CLIC5: variants seen among roughly 807,000 people sequenced by gnomAD.
CLIC5 encodes the protein chloride intracellular channel protein 5.
CLIC5 carries 20 observed loss-of-function variants against 24.7 expected under a neutral mutation model. The observed-to-expected ratio is 0.81, with a 90% CI of 0.57 to 1.18. The LOEUF (loss-of-function observed/expected upper bound fraction) is 1.18, where lower values mean the gene tolerates loss of function less well. CLIC5 is among the 50% of genes most tolerant of loss of function. CLIC5 has a pLI of 0.00. For missense variants in CLIC5, 341 were observed against 326.1 expected, an observed-to-expected ratio of 1.05 and a Z score of -0.35; for synonymous variants, 159 against 135.6, an observed-to-expected ratio of 1.17 and a Z score of -1.20.
chr6:45,893,314 G>A (rs1444461455), intron 6 of CLIC5, among the ~76,000 whole-genome samples: 1 of 151,824 alleles, frequency 6.6e-6, no homozygotes, highest in African/African-American at 2.4e-5. Flanking sequence ...TAAGAATGTG[G>A]GTGCAAGAAG....
chr6:45,903,014 G>GAA lies in CLIC5; in HGVS notation c.*73_*74insTT. 1 of 1,523,250 alleles carries GAA rather than the reference G, an allele frequency of 6.6e-7. No individual in the cohort carries two copies. Among genetic ancestry groups the GAA allele is most frequent in the Non-Finnish European group, 9.1e-7 (1 of 1,103,414 alleles). The allele number at this position is 1,523,250 out of a possible 1,614,324, so 94.4% of individuals were successfully genotyped here. ...GTGCGCCTCAAGGCAGTGATACAGAGGAGTCTATGAAGCTGGAGTCTTAGG... is the reference window on the plus strand; with the variant it reads ...GTGCGCCTCAAGGCAGTGATACAGAGAAGAGTCTATGAAGCTGGAGTCTTAGG... On this transcript the variant is annotated 3_prime_UTR_variant, in exon 6 of 6. Transcript: ENST00000339561.
At chr6:46,110,003 T>C in the CLIC5 span, among the ~76,000 whole-genome samples, 1 of 152,108 alleles carries the variant, frequency 6.6e-6, no homozygotes, top group Admixed American at 6.5e-5. Flanking sequence ...ATAAAATCCC[T>C]CGTGGCTTGG....
chr6:45,983,465 T>A (rs918970907), intron 1 of CLIC5, among the ~76,000 whole-genome samples: 4 of 152,106 alleles, frequency 2.6e-5, no homozygotes, highest in Non-Finnish European at 4.4e-5. Context: ...GAGAAGAGTT[T>A]TGTAACAATC....
intron 1 of CLIC5, among the ~76,000 whole-genome samples, chr6:46,044,491 T>G (rs1161046054): frequency 6.6e-6 from 1 of 152,174 alleles, no homozygotes; most frequent in South Asian, 2.1e-4. Context: ...TTGGAAATTT[T>G]GCACTGTGGA....
chr6:46,129,000 G>A, the CLIC5 span, among the ~76,000 whole-genome samples: 21 of 152,330 alleles, frequency 1.4e-4, no homozygotes, highest in South Asian at 3.7e-3. Flanking sequence ...CTAAGGTCCA[G>A]TACTGCAGTT....
chr6:46,108,395 T>TGAGAGAGA, the CLIC5 span, among the ~76,000 whole-genome samples: 18 of 147,834 alleles, frequency 1.2e-4, no homozygotes, highest in East Asian at 2.6e-3. Flanking sequence ...TGTGTGTGTG[T>TGAGAGAGA]GTGTGTGAGA....
At chr6:46,065,641 A>G (rs1485769552) in intron 1 of CLIC5, among the ~76,000 whole-genome samples, 1 of 152,234 alleles carries the variant, frequency 6.6e-6, no homozygotes, top group Non-Finnish European at 1.5e-5. Flanking sequence ...GTTCAAAAGC[A>G]TTATGAAAGA....
intron 1 of CLIC5, among the ~76,000 whole-genome samples, chr6:46,057,530 C>T (rs991491711): frequency 6.6e-6 from 1 of 152,210 alleles, no homozygotes; most frequent in Admixed American, 6.5e-5. Flanking sequence ...TCTCATTGAA[C>T]CAGAGTTGCT....
At chr6:46,093,520 G>A in the CLIC5 span, among the ~76,000 whole-genome samples, 1 of 152,114 alleles carries the variant, frequency 6.6e-6, no homozygotes, top group African/African-American at 2.4e-5. Flanking sequence ...CACATGGCAG[G>A]TGTTAACTCA....
At chr6:46,006,226 C>T (rs1480056980) in intron 1 of CLIC5, among the ~76,000 whole-genome samples, 3 of 148,200 alleles carry the variant, frequency 2.0e-5, no homozygotes, top group Non-Finnish European at 3.0e-5. Flanking sequence ...CCCACTGCAG[C>T]CTCCGCCTCC....
At chr6:45,913,633 C>T (rs1762901259) in intron 5 of CLIC5, 8 of 481,146 alleles carry the variant, frequency 1.7e-5, no homozygotes, top group South Asian at 1.2e-4. Context: ...TTCCAACTCT[C>T]AGATTCCCAG....
At position 46,071,803 on chromosome 6, in the gene CLIC5, A is replaced by G. The variant is rs1461300005; in HGVS notation, c.540+7900T>C. 2.6e-5 allele frequency among the ~76,000 whole-genome samples: 4 copies of G among 152,222 alleles called. No homozygotes were observed. In the East Asian group the frequency reaches 7.7e-4, roughly 29 times the overall value. On this transcript the variant is annotated intron_variant, in intron 1 of 5. Coordinates refer to the CLIC5 transcript ENST00000185206. ...CATGGATGCATAAGTTCTTTGCAGC[A>G]CTATTCGCAATAGCAAAGACATGGA...
intron 3 of CLIC5, among the ~76,000 whole-genome samples, chr6:45,944,487 A>G (rs1260675454): frequency 6.9e-6 from 1 of 145,884 alleles, no homozygotes; most frequent in Non-Finnish European, 1.5e-5. Flanking sequence ...TTTTTAGGAT[A>G]TCTTATTTCA....
chr6:46,037,537 C>T (rs960800975), intron 1 of CLIC5, among the ~76,000 whole-genome samples: 1 of 152,042 alleles, frequency 6.6e-6, no homozygotes, highest in African/African-American at 2.4e-5. Context: ...TTCCTTTTGC[C>T]CCAAGATGAT....
chr6:46,003,251 A>T (rs1428510449), intron 1 of CLIC5, among the ~76,000 whole-genome samples: 1 of 152,198 alleles, frequency 6.6e-6, no homozygotes, highest in Non-Finnish European at 1.5e-5. Context: ...GACACCACTC[A>T]TGGGACCAAA....
At chr6:46,056,044 C>T (rs927104069) in intron 1 of CLIC5, among the ~76,000 whole-genome samples, 8 of 152,096 alleles carry the variant, frequency 5.3e-5, no homozygotes, top group Non-Finnish European at 1.0e-4. Context: ...ACATTTGATG[C>T]CACTGAACTG....
At chr6:46,053,178 A>G (rs1417660703) in intron 1 of CLIC5, among the ~76,000 whole-genome samples, 1 of 152,118 alleles carries the variant, frequency 6.6e-6, no homozygotes, top group African/African-American at 2.4e-5. Flanking sequence ...GAGGAGAGAC[A>G]CTGGAGGGCA....
At chr6:45,982,925 A>G (rs1446323882) in intron 1 of CLIC5, among the ~76,000 whole-genome samples, 1 of 152,224 alleles carries the variant, frequency 6.6e-6, no homozygotes, top group Non-Finnish European at 1.5e-5. Flanking sequence ...AGCTGAAAAG[A>G]ATAATGAGAA....
chr6:45,986,734 C>G (rs1466573431), intron 1 of CLIC5, among the ~76,000 whole-genome samples: 1 of 151,568 alleles, frequency 6.6e-6, no homozygotes, highest in Non-Finnish European at 1.5e-5. Flanking sequence ...GAGATTTCCT[C>G]TGTGCTCATT....
Sources: allele counts gnomAD v4.1 joint callset (sites outside exome capture counted in the v4.1 genomes callset), GRCh38; gene constraint gnomAD v4.1.1; transcripts MANE v1.5; gene names NCBI Gene and HGNC (gene_info 2026-07-23, HGNC 2026-07-21).